Variants in TCF12 observed in about 807,000 individuals in gnomAD.
TCF12 encodes the protein DNA-binding protein HTF4.
A neutral mutation model predicts 86.0 loss-of-function variants in TCF12; 45 were observed. That is an observed-to-expected ratio of 0.52 (90% CI 0.41 to 0.67). The LOEUF is 0.67. Among genes scored for constraint, TCF12 ranks in the 30% least tolerant of loss-of-function variants. The pLI, the probability that TCF12 is intolerant of heterozygous loss-of-function variation, is 0.00. For missense variants in TCF12, 881 were observed against 859.9 expected (o/e 1.02, Z -0.31); for synonymous variants, 330 against 299.6 (o/e 1.10, Z -1.05).
intron 3 of TCF12, among the ~76,000 whole-genome samples, chr15:56,997,570 C>A (rs1403183314): frequency 2.0e-5 from 3 of 152,082 alleles, no homozygotes; most frequent in Non-Finnish European, 4.4e-5. Flanking sequence ...GACCTCAGCA[C>A]CATCCAGTAT....
intron 3 of TCF12, among the ~76,000 whole-genome samples, chr15:56,963,208 A>G (rs2061850300): frequency 6.6e-6 from 1 of 151,998 alleles, no homozygotes; most frequent in African/African-American, 2.4e-5. Context: ...CTAATTGAGC[A>G]TACAGAAAAT....
At chr15:57,105,170 G>T (rs1337778062) in intron 5 of TCF12, among the ~76,000 whole-genome samples, 1 of 150,886 alleles carries the variant, frequency 6.6e-6, no homozygotes, top group Non-Finnish European at 1.5e-5. Context: ...TACTGTGCCC[G>T]ACCAATCTTG....
chr15:57,138,959 A>G (rs1482988239), intron 5 of TCF12, among the ~76,000 whole-genome samples: 2 of 152,262 alleles, frequency 1.3e-5, no homozygotes, highest in Non-Finnish European at 2.9e-5. Flanking sequence ...ATTAACCAGT[A>G]GCTGAGATCA....
At chr15:57,031,873 A>G (rs964038690) in intron 3 of TCF12, among the ~76,000 whole-genome samples, 1 of 152,146 alleles carries the variant, frequency 6.6e-6, no homozygotes, top group Non-Finnish European at 1.5e-5. Context: ...AGGCAATCAC[A>G]TGGTAATGAC....
intron 3 of TCF12, among the ~76,000 whole-genome samples, chr15:56,994,147 A>G (rs1379856253): frequency 2.0e-5 from 3 of 152,226 alleles, no homozygotes; most frequent in African/African-American, 7.2e-5. Context: ...CAGGAAAAAA[A>G]TCAGTGAACT....
At chr15:56,930,027 A>G (rs1351425783) in intron 3 of TCF12, among the ~76,000 whole-genome samples, 1 of 152,232 alleles carries the variant, frequency 6.6e-6, no homozygotes, top group East Asian at 1.9e-4. Context: ...AAAAATGAAC[A>G]AGATTGACTC....
chr15:57,000,279 A>T (rs1238085704), intron 3 of TCF12, among the ~76,000 whole-genome samples: 1 of 151,452 alleles, frequency 6.6e-6, no homozygotes, highest in Non-Finnish European at 1.5e-5. Context: ...GGCTGAAGCG[A>T]TCCTCTCGCC....
At chr15:57,053,276 A>G (rs1255513769) in intron 3 of TCF12, among the ~76,000 whole-genome samples, 2 of 152,184 alleles carry the variant, frequency 1.3e-5, no homozygotes, top group African/African-American at 2.4e-5. Flanking sequence ...CTTTGGAGAA[A>G]TGTCTATTCA....
chr15:56,997,396 A>C (rs1463516528), intron 3 of TCF12, among the ~76,000 whole-genome samples: 1 of 152,234 alleles, frequency 6.6e-6, no homozygotes, highest in Admixed American at 6.5e-5. Context: ...ACTTGTTCTC[A>C]CTTACAAGTG....
intron 8 of TCF12, chr15:57,219,255 G>A (rs534263158): frequency 8.6e-7 from 1 of 1,168,660 alleles, no homozygotes; most frequent in East Asian, 3.7e-5. Flanking sequence ...AAAGTGACTT[G>A]CATTTTTTTA....
chr15:57,273,327 G>A, intron 19 of TCF12, 65 bp downstream of exon 19: 1 of 1,503,078 alleles, frequency 6.7e-7, no homozygotes, highest in Non-Finnish European at 9.2e-7. Context: ...TCTGTTTACA[G>A]TTGCTCTTCT....
intron 18 of TCF12, among the ~76,000 whole-genome samples, chr15:57,268,795 A>G (rs1443001620): frequency 6.6e-6 from 1 of 151,108 alleles, no homozygotes; most frequent in Non-Finnish European, 1.5e-5. Flanking sequence ...CAAAAATCAC[A>G]AGAAACACCA....
At chr15:57,042,760 G>A (rs1376507512) in intron 3 of TCF12, among the ~76,000 whole-genome samples, 1 of 151,848 alleles carries the variant, frequency 6.6e-6, no homozygotes, top group African/African-American at 2.4e-5. Context: ...CTACTTTTTT[G>A]TTTTTTATTG....
At chr15:57,062,435 T>A (rs1160008809) in intron 3 of TCF12, among the ~76,000 whole-genome samples, 3 of 151,914 alleles carry the variant, frequency 2.0e-5, no homozygotes, top group Non-Finnish European at 4.4e-5. Flanking sequence ...TACTCATCTT[T>A]TGTATCAACT....
In TCF12 at chr15:57,224,038, G is replaced by T. The variant is rs551324250; in HGVS notation, c.580-7114G>T. ...CCAAAAATATCTGCGACTATGGTGT[G>T]TGAGCCCAAGAAAGTTTTCTTATCT... On this transcript the variant is annotated intron_variant, in intron 8 of 20. Coordinates refer to ENST00000333725, the MANE Select transcript of TCF12 (RefSeq NM_207037.2). Among the ~76,000 whole-genome samples, 5 of 152,052 alleles carry T rather than the reference G, an allele frequency of 3.3e-5. No individual in the cohort carries two copies. In the South Asian group the frequency reaches 1.0e-3, roughly 32 times the overall value.
At chr15:57,039,338 A>G (rs2141430547) in intron 3 of TCF12, among the ~76,000 whole-genome samples, 1 of 152,086 alleles carries the variant, frequency 6.6e-6, no homozygotes, top group South Asian at 2.1e-4. Flanking sequence ...CTCCTGCTTT[A>G]CCCTATTTCT....
intron 8 of TCF12, chr15:57,219,426 T>C: frequency 6.8e-7 from 1 of 1,460,040 alleles, no homozygotes; most frequent in Non-Finnish European, 9.2e-7. Flanking sequence ...TGTGAATGCA[T>C]AGTACTGAAG....
intron 16 of TCF12, among the ~76,000 whole-genome samples, chr15:57,257,907 T>G (rs945869345): frequency 2.0e-5 from 3 of 152,224 alleles, no homozygotes; most frequent in Non-Finnish European, 4.4e-5. Context: ...AGCATTTGGC[T>G]TTAGTTTTGT....
chr15:56,927,585 C>T (rs1232851129), intron 3 of TCF12, among the ~76,000 whole-genome samples: 1 of 152,130 alleles, frequency 6.6e-6, no homozygotes, highest in Non-Finnish European at 1.5e-5. Flanking sequence ...TCTTTTATTA[C>T]TTGACCTTTA....
Sources: allele counts gnomAD v4.1 joint callset (sites outside exome capture counted in the v4.1 genomes callset), GRCh38; gene constraint gnomAD v4.1.1; transcripts MANE v1.5; gene names NCBI Gene and HGNC (gene_info 2026-07-23, HGNC 2026-07-21).